The following TNK2 variants were observed in gnomAD, a reference collection of about 807,000 sequenced individuals.
TNK2 encodes activated CDC42 kinase 1.
Under a neutral mutation model 101.8 loss-of-function variants are expected in TNK2, and 83 were observed. The observed-to-expected ratio is 0.82, with a 90% CI of 0.68 to 0.98. The LOEUF (loss-of-function observed/expected upper bound fraction) is 0.98. TNK2 is among the 50% of genes least tolerant of loss of function. TNK2 has a pLI of 0.00. For synonymous variants in TNK2, 804 were observed against 633.0 expected, an observed-to-expected ratio of 1.27 and a Z score of -4.06; for missense variants, 1,665 against 1,483.2, an observed-to-expected ratio of 1.12 and a Z score of -2.01.
At chr3:195,873,639 C>T (rs1747035066) in intron 9 of TNK2, among the ~76,000 whole-genome samples, 1 of 152,186 alleles carries the variant, frequency 6.6e-6, no homozygotes, top group African/African-American at 2.4e-5. Context: ...AGGGCCAAAG[C>T]GTGAAGAAGG....
At chr3:195,871,150 C>A (rs1745005956) in intron 10 of TNK2, among the ~76,000 whole-genome samples, 1 of 151,814 alleles carries the variant, frequency 6.6e-6, no homozygotes, top group Non-Finnish European at 1.5e-5. Context: ...GCCTGGAATC[C>A]CCCTGCGGCC....
chr3:195,880,321 G>A (rs1316993041), intron 6 of TNK2, among the ~76,000 whole-genome samples: 2 of 152,108 alleles, frequency 1.3e-5, no homozygotes, highest in Non-Finnish European at 2.9e-5. Flanking sequence ...GTCTTTCCCT[G>A]GCGAACTTCC....
intron 1 of TNK2, among the ~76,000 whole-genome samples, chr3:195,903,303 G>C (rs1577122784): frequency 6.6e-6 from 1 of 150,678 alleles, no homozygotes; most frequent in Non-Finnish European, 1.5e-5. Flanking sequence ...GCCTCCCAAA[G>C]TATTGGGATT....
At position 195,878,306 on chromosome 3, in the gene TNK2, T is replaced by C; in HGVS notation, c.1203A>G (p.Glu401=). 1 of 1,613,902 alleles carries C rather than the reference T, an allele frequency of 6.2e-7. No homozygotes were observed. Residue 401 remains glutamate, a synonymous_variant, in exon 9 of 16, where the codon GAA becomes GAG. Coordinates refer to ENST00000672887, the MANE Select transcript of TNK2 (RefSeq NM_001382273.1). The surrounding 1 kb of genome is among the most constrained non-coding windows in gnomAD (Gnocchi z 4.7). ...TCATCTGGATGTGCAGCTTGTCCGG[T>C]TCCTCAAAGTCCTGAAGGGCCCGCA... The part of the protein sequence containing the change: ...TDMRALQDFE[E]PDKLHIQMND...
intron 11 of TNK2, 39 bp from the exon 12 acceptor site, chr3:195,869,580 A>G (rs1239724220): frequency 1.9e-6 from 3 of 1,547,460 alleles, no homozygotes; most frequent in Non-Finnish European, 2.6e-6. Flanking sequence ...AGAGAGACGG[A>G]GCAGGACAGA....
rs1560507441 is a variant in TNK2, at chr3:195,879,129, C to T, written c.934G>A (p.Asp312Asn). ...LKTRTFSHASDTWMFGVTLWE... is the reference protein window; with the variant it reads ...LKTRTFSHASNTWMFGVTLWE... ...AGTGTCACCCCGAACATCCAGGTGTCGCTGGCATGGGAGAAGGTGCGTGTC... is the reference window on the plus strand; with the variant it reads ...AGTGTCACCCCGAACATCCAGGTGTTGCTGGCATGGGAGAAGGTGCGTGTC... The change falls in exon 7 of 16, where the codon GAC becomes AAC. Residue 312 changes from aspartate to asparagine, a missense_variant. Transcript: ENST00000672887. The T allele has an allele frequency of 1.2e-6, 2 of 1,613,802 alleles. No homozygotes were observed. The highest frequency in any genetic ancestry group is 1.7e-6 in the Non-Finnish European group (2 of 1,179,988).
rs1316493057 is a variant in TNK2 at position 195,881,483 on chromosome 3, A to AC, written c.887+567dup. On this transcript the variant is annotated intron_variant, in intron 6 of 15. Transcript: ENST00000672887. ...AGGACACAGGATCTGTCCCTCTAAC[A>AC]CCCCCCCCAGCAACGCCCCTTGGAG... 6.0e-4 allele frequency among the ~76,000 whole-genome samples: 20 copies of AC among 33,406 alleles called. No individual in the cohort carries two copies. In the East Asian group the frequency reaches 6.7e-3, roughly 11 times the overall value. The allele number at this position is 33,406 out of a possible 152,430, so 21.9% of individuals were successfully genotyped here.
In TNK2 at chr3:195,878,582, T is replaced by C. The variant is rs752888000; in HGVS notation, c.1025A>G (p.Lys342Arg). 6.2e-7 allele frequency: 1 copy of C among 1,612,974 alleles called. No homozygotes were observed. The highest frequency in any genetic ancestry group is 2.2e-5 in the East Asian group (1 of 44,862). Residue 342 changes from lysine (K) to arginine (R), a missense_variant, in exon 8 of 16, where the codon AAG becomes AGG. Transcript: ENST00000672887. The surrounding 1 kb of genome is among the most constrained non-coding windows in gnomAD (Gnocchi z 4.7). ...IGLNGSQILH[K>R]IDKEGERLPR... ...CAGCCGCTCCCCCTCCTTGTCGATCTTATGCAGGATCTGAAGGTGAGGAGG... is the reference window on the plus strand; with the variant it reads ...CAGCCGCTCCCCCTCCTTGTCGATCCTATGCAGGATCTGAAGGTGAGGAGG...
At position 195,867,839 on chromosome 3, in the gene TNK2, G is replaced by T; in HGVS notation, c.2459C>A (p.Pro820His). ...LVPPGSSPLP[P>H]RLSSSPGKTM... Reference sequence around the variant, plus strand: ...CTTCCCAGGTGAGCTTGAGAGCCGGGGTGGCAGCGGGGAGCTGCCAGGTGG... The same window carrying T: ...CTTCCCAGGTGAGCTTGAGAGCCGGTGTGGCAGCGGGGAGCTGCCAGGTGG... The change falls in exon 13 of 16, where the codon CCC becomes CAC. Residue 820 changes from proline to histidine, a missense_variant. Physicochemically the swap from Pro to His is moderately conservative, Grantham distance 77. Around this residue, in one of 3 missense-constraint regions of TNK2, gnomAD observed 1,136 missense variants for 894.9 expected, o/e 1.27. Coordinates refer to ENST00000672887, the MANE Select transcript of TNK2 (RefSeq NM_001382273.1). 6.5e-7 allele frequency: 1 copy of T among 1,536,378 alleles called. No homozygotes were observed.
At chr3:195,876,339 C>A (rs1347491491) in intron 9 of TNK2, 1 of 448,898 alleles carries the variant, frequency 2.2e-6, no homozygotes, top group Non-Finnish European at 4.5e-6. Context: ...GAAACAAATA[C>A]TGGACACAGC....
rs1746066568 is a variant in TNK2, at chr3:195,872,406, T to C, written c.1321A>G (p.Asn441Asp). ...AGGCCGGCCACGGAGGTCACCACGTTGCGAGGGAAGGGCCCCACACACAGC... is the reference window on the plus strand; with the variant it reads ...AGGCCGGCCACGGAGGTCACCACGTCGCGAGGGAAGGGCCCCACACACAGC... ...RTLCVGPFPR[N>D]VVTSVAGLSA... is the part of the protein sequence containing the mutation. The change falls in exon 10 of 16, where the codon AAC becomes GAC. Residue 441 changes from asparagine to aspartate, a missense_variant. Physicochemically the swap from Asn to Asp is conservative, Grantham distance 23. This residue lies in a region of TNK2 where 1,136 missense variants were observed against 894.9 expected (regional missense o/e 1.27). Coordinates refer to ENST00000672887, the MANE Select transcript of TNK2 (RefSeq NM_001382273.1). The C allele has an allele frequency of 1.9e-6, 3 of 1,613,144 alleles. No individual in the cohort carries two copies. Among genetic ancestry groups the C allele is most frequent in the East Asian group, 4.5e-5 (2 of 44,866 alleles).
At position 195,868,312 on chromosome 3, in the gene TNK2, G is replaced by C; in HGVS notation, c.1986C>G (p.Ile662Met). 2 of 1,603,462 alleles carry C rather than the reference G, an allele frequency of 1.2e-6. No individual in the cohort carries two copies. The highest frequency in any genetic ancestry group is 1.7e-6 in the Non-Finnish European group (2 of 1,179,408). ...DVAQDEDDFEICSINSTLVGA... is the reference protein window; with the variant it reads ...DVAQDEDDFEMCSINSTLVGA... ...CCACGAGGGTGCTGTTGATGGAGCA[G>C]ATCTCAAAGTCATCCTCATCCTGGG... is the stretch of plus-strand genomic sequence containing the variant. Residue 662 changes from isoleucine to methionine, a missense_variant, in exon 13 of 16, where the codon ATC becomes ATG. Transcript: ENST00000672887.
chr3:195,896,252 G>GA (rs1760480701), intron 1 of TNK2: 1 of 387,372 alleles, frequency 2.6e-6, no homozygotes, highest in African/African-American at 2.2e-5. Flanking sequence ...AGCAGCCACT[G>GA]ACTCTTTAGT....
At chr3:195,887,789 G>GTA (rs1491049899) in intron 2 of TNK2, among the ~76,000 whole-genome samples, 2 of 151,306 alleles carry the variant, frequency 1.3e-5, no homozygotes, top group African/African-American at 4.9e-5. Context: ...GCGCGTGTGT[G>GTA]TACATGTGTG....
At chr3:195,866,517 A>C (rs898174488) in intron 15 of TNK2, among the ~76,000 whole-genome samples, 10 of 152,112 alleles carry the variant, frequency 6.6e-5, no homozygotes, top group African/African-American at 2.4e-4. Context: ...TGAAATTTTA[A>C]ATGTTACTTT....
chr3:195,869,109 G>A, intron 12 of TNK2: 1 of 468,274 alleles, frequency 2.1e-6, no homozygotes, highest in Non-Finnish European at 3.9e-6. Context: ...GCCGCCTCCT[G>A]CCATCAGGGG....
intron 9 of TNK2, chr3:195,876,877 C>T: frequency 2.8e-6 from 1 of 353,886 alleles, no homozygotes; most frequent in Non-Finnish European, 5.6e-6. Context: ...CAAACACAGG[C>T]CACTCTGAGT....
chr3:195,867,723 T>G lies in TNK2; in HGVS notation c.2575A>C (p.Ile859Leu). 1 of 1,605,016 alleles carries G rather than the reference T, an allele frequency of 6.2e-7. No individual in the cohort carries two copies. The highest frequency in any genetic ancestry group is 8.5e-7 in the Non-Finnish European group (1 of 1,176,928). Residue 859 changes from isoleucine (I) to leucine (L), a missense_variant, in exon 13 of 16, where the codon ATC (isoleucine) becomes CTC (leucine). Around this residue, in one of 3 missense-constraint regions of TNK2, gnomAD observed 1,136 missense variants for 894.9 expected, o/e 1.27. Coordinates refer to ENST00000672887, the MANE Select transcript of TNK2 (RefSeq NM_001382273.1). ...QAPGPRAGPC[I>L]LPIVRDGKKV... Reference sequence around the variant, plus strand: ...TTGCCATCCCGGACGATGGGCAGGATGCAGGGACCAGCCCGCGGGCCAGGG... The same window carrying G: ...TTGCCATCCCGGACGATGGGCAGGAGGCAGGGACCAGCCCGCGGGCCAGGG...
chr3:195,873,671 G>A (rs1045492161), intron 9 of TNK2, among the ~76,000 whole-genome samples: 14 of 152,202 alleles, frequency 9.2e-5, no homozygotes, highest in Admixed American at 9.2e-4. Context: ...ACCCAGCCAG[G>A]CCGGGGAGAG....
Sources: allele counts gnomAD v4.1 joint callset (sites outside exome capture counted in the v4.1 genomes callset), GRCh38; gene constraint gnomAD v4.1.1; regional missense constraint gnomAD v4.1.1; non-coding constraint Gnocchi (gnomAD v3.1); transcripts MANE v1.5; gene names NCBI Gene and HGNC (gene_info 2026-07-23, HGNC 2026-07-21).